The following CFAP144 variants were observed in gnomAD, a reference collection of about 807,000 sequenced individuals.
The protein encoded by CFAP144 is cilia and flagella associated protein 144.
chr1:43,150,925 T>C, the CFAP144 span: 1 of 893,786 alleles, frequency 1.1e-6, no homozygotes, highest in Non-Finnish European at 1.8e-6. Context: ...ATCAGAGTCC[T>C]CTGCTTTGAT....
At chr1:43,149,259 C>T in the CFAP144 span, among the ~76,000 whole-genome samples, 1 of 152,160 alleles carries the variant, frequency 6.6e-6, no homozygotes, top group African/African-American at 2.4e-5. Flanking sequence ...CAGCTTCATG[C>T]CATACTCCTC....
the CFAP144 span, among the ~76,000 whole-genome samples, chr1:43,153,952 T>C: frequency 6.7e-6 from 1 of 150,256 alleles, no homozygotes; most frequent in Non-Finnish European, 1.5e-5. Flanking sequence ...GTTTCTGGGT[T>C]TTGTGCCTTG....
chr1:43,156,015 A>G, the CFAP144 span, among the ~76,000 whole-genome samples: 25 of 152,294 alleles, frequency 1.6e-4, no homozygotes, highest in East Asian at 4.4e-3. Flanking sequence ...GACAGGGAGA[A>G]CCACGACTGT....
chr1:43,154,948 T>C, the CFAP144 span, among the ~76,000 whole-genome samples: 1 of 152,158 alleles, frequency 6.6e-6, no homozygotes, highest in Non-Finnish European at 1.5e-5. Flanking sequence ...GCTAGCAGGA[T>C]CAGACATCAC....
chr1:43,144,372 T>C, the CFAP144 span, among the ~76,000 whole-genome samples: 1,240 of 152,262 alleles, frequency 8.1e-3, 11 homozygotes, highest in African/African-American at 0.028. Context: ...GGGCTGTGTG[T>C]GAGATAAATC....
the CFAP144 span, among the ~76,000 whole-genome samples, chr1:43,153,710 C>T: frequency 5.4e-4 from 81 of 151,100 alleles, 1 homozygote; most frequent in South Asian, 3.6e-3. Flanking sequence ...AAAAAATGGA[C>T]GTGTGAGTAA....
At chr1:43,152,854 G>A in the CFAP144 span, 1 of 1,612,090 alleles carries the variant, frequency 6.2e-7, no homozygotes, top group Non-Finnish European at 8.5e-7. Context: ...CATTCACCAT[G>A]CTGCCCAGGG....
At chr1:43,149,506 G>A in the CFAP144 span, among the ~76,000 whole-genome samples, 1 of 152,202 alleles carries the variant, frequency 6.6e-6, no homozygotes, top group Non-Finnish European at 1.5e-5. Flanking sequence ...GCTCTATAGA[G>A]AAAATGTACT....
chr1:43,149,308 T>G, the CFAP144 span, among the ~76,000 whole-genome samples: 1 of 152,242 alleles, frequency 6.6e-6, no homozygotes, highest in Non-Finnish European at 1.5e-5. Context: ...AATACTTTGG[T>G]GCCTACTCTG....
chr1:43,147,893 A>C, the CFAP144 span: 1 of 1,597,122 alleles, frequency 6.3e-7, no homozygotes, highest in African/African-American at 1.3e-5. Flanking sequence ...GACAGCGGGG[A>C]CGCGTTGCCT....
chr1:43,150,673 A>T, the CFAP144 span: 3 of 1,181,010 alleles, frequency 2.5e-6, no homozygotes, highest in Non-Finnish European at 3.7e-6. Context: ...TGAGTGCCAA[A>T]TGGGTGCCCT....
the CFAP144 span, chr1:43,148,027 A>G: frequency 6.2e-7 from 1 of 1,613,896 alleles, no homozygotes; most frequent in Admixed American, 1.7e-5. Context: ...ACTGTACCTC[A>G]AGGAGCTACG....
At chr1:43,143,213 T>G in the CFAP144 span, among the ~76,000 whole-genome samples, 1 of 152,120 alleles carries the variant, frequency 6.6e-6, no homozygotes, top group Non-Finnish European at 1.5e-5. Flanking sequence ...TACACCACAT[T>G]CCCACACTGA....
the CFAP144 span, among the ~76,000 whole-genome samples, chr1:43,152,109 A>G: frequency 6.6e-6 from 1 of 152,028 alleles, no homozygotes; most frequent in Non-Finnish European, 1.5e-5. Context: ...CAGAGAAGTG[A>G]TGCCACCCAA....
chr1:43,155,021 A>G, the CFAP144 span, among the ~76,000 whole-genome samples: 33,691 of 152,102 alleles, frequency 0.22, 5,322 homozygotes, highest in African/African-American at 0.43. Flanking sequence ...TATTAAAGGT[A>G]GGGGGTTCTG....
the CFAP144 span, chr1:43,145,299 TAA>T: frequency 1.3e-6 from 2 of 1,548,404 alleles, no homozygotes; most frequent in East Asian, 4.9e-5. Context: ...CTCTGGAGGG[TAA>T]GTCTTGTCGA....
At chr1:43,150,789 T>C in the CFAP144 span, 2 of 1,610,752 alleles carry the variant, frequency 1.2e-6, no homozygotes, top group Admixed American at 1.7e-5. Context: ...AGCCCATGTC[T>C]TGGCATGATA....
At chr1:43,148,089 G>A in the CFAP144 span, 1 of 1,611,386 alleles carries the variant, frequency 6.2e-7, no homozygotes, top group African/African-American at 1.3e-5. Flanking sequence ...GCAAGAGTGA[G>A]AGGCACGGCG....
chr1:43,156,103 G>GAATGGGAGGC, the CFAP144 span: 9 of 909,208 alleles, frequency 9.9e-6, no homozygotes, highest in African/African-American at 1.6e-5. Context: ...GCAGCCACAG[G>GAATGGGAGGC]CTGGGAGGGT....
Sources: gnomAD v4.1 joint callset for allele counts (sites outside exome capture counted in the v4.1 genomes callset) on GRCh38, gnomAD v4.1.1 for gene constraint, MANE v1.5 for transcripts, NCBI Gene and HGNC (gene_info 2026-07-23, HGNC 2026-07-21) for gene names.